The following MAPK14 variants were observed in gnomAD, a reference collection of about 807,000 sequenced individuals.
The protein encoded by MAPK14 is mitogen-activated protein kinase 14.
In MAPK14, 16 loss-of-function variants were observed where a neutral mutation model predicts 49.6. The observed-to-expected ratio is 0.32, with a 90% confidence interval of 0.22 to 0.49. MAPK14 has a LOEUF of 0.49. Among genes scored for constraint, MAPK14 ranks in the 20% least tolerant of loss-of-function variants. The pLI, the probability that MAPK14 is intolerant of heterozygous loss-of-function variation, is 0.99. For missense variants in MAPK14, 200 were observed against 441.2 expected, an observed-to-expected ratio of 0.45 and a Z score of 4.90; for synonymous variants, 142 against 158.0, an observed-to-expected ratio of 0.90 and a Z score of 0.76.
chr6:36,104,394 C>CT (rs1189807611), intron 10 of MAPK14, among the ~76,000 whole-genome samples: 7 of 151,984 alleles, frequency 4.6e-5, no homozygotes, highest in African/African-American at 1.7e-4. Flanking sequence ...TTCTTTCTTT[C>CT]CTTTTTTTTT....
intron 3 of MAPK14, 55 bp downstream of exon 3, chr6:36,059,402 C>T (rs1385402935): frequency 3.3e-6 from 4 of 1,210,954 alleles, no homozygotes; most frequent in Non-Finnish European, 4.9e-6. Flanking sequence ...GACTAATAGC[C>T]CATTTCTATT....
At chr6:36,072,827 T>G (rs1369174048) in intron 3 of MAPK14, 46 bp from the exon 4 acceptor site, 6 of 1,051,864 alleles carry the variant, frequency 5.7e-6, no homozygotes, top group Non-Finnish European at 2.9e-6. Context: ...GATAAGAACT[T>G]TCTTAGGGGT....
intron 3 of MAPK14, among the ~76,000 whole-genome samples, chr6:36,066,279 G>C (rs1323687862): frequency 1.3e-5 from 2 of 151,960 alleles, no homozygotes; most frequent in African/African-American, 4.8e-5. Context: ...ACATTTTTCT[G>C]ATCTAAGGCT....
At chr6:36,054,576 T>C (rs1763523370) in intron 2 of MAPK14, among the ~76,000 whole-genome samples, 1 of 152,220 alleles carries the variant, frequency 6.6e-6, no homozygotes, top group African/African-American at 2.4e-5. Flanking sequence ...TTAAACAAAA[T>C]AAGGCACATG....
At chr6:36,094,387 T>C (rs1175617487) in intron 8 of MAPK14, among the ~76,000 whole-genome samples, 3 of 152,206 alleles carry the variant, frequency 2.0e-5, no homozygotes, top group South Asian at 2.1e-4. Context: ...TGGAAACACC[T>C]ATAGACTGTA....
chr6:36,084,019 C>T (rs1403715670), intron 8 of MAPK14, among the ~76,000 whole-genome samples: 1 of 152,198 alleles, frequency 6.6e-6, no homozygotes, highest in East Asian at 1.9e-4. Flanking sequence ...TGCTGTTCTG[C>T]AGTCTCCACT....
intron 9 of MAPK14, among the ~76,000 whole-genome samples, chr6:36,099,631 A>G (rs1765564155): frequency 6.6e-6 from 1 of 152,164 alleles, no homozygotes; most frequent in Non-Finnish European, 1.5e-5. Flanking sequence ...TGTTTGTGGC[A>G]AGTATTTTAA....
chr6:36,113,369 GGTCTT>G (rs200351954), downstream of MAPK14, among the ~76,000 whole-genome samples: 3,169 of 130,876 alleles, frequency 0.024, 111 homozygotes, highest in African/African-American at 0.072. Flanking sequence ...AAAAAAAAAA[GGTCTT>G]AAGTGCACAA....
the MAPK14 span, among the ~76,000 whole-genome samples, chr6:36,122,109 A>G: frequency 6.6e-6 from 1 of 152,278 alleles, no homozygotes; most frequent in African/African-American, 2.4e-5. Context: ...AACCTCTGCC[A>G]TGGCAGGTAG....
chr6:36,044,033 T>C (rs1763075882), intron 1 of MAPK14, among the ~76,000 whole-genome samples: 1 of 151,906 alleles, frequency 6.6e-6, no homozygotes, highest in South Asian at 2.1e-4. Flanking sequence ...TGGTCGCGAA[T>C]ACCCAACCTC....
chr6:36,031,885 T>A (rs893769133), intron 1 of MAPK14, among the ~76,000 whole-genome samples: 1 of 152,312 alleles, frequency 6.6e-6, no homozygotes, highest in East Asian at 1.9e-4. Context: ...CATAATTTTT[T>A]GTGTGACTTC....
chr6:36,076,880 C>T, intron 8 of MAPK14: 1 of 284,984 alleles, frequency 3.5e-6, no homozygotes, highest in South Asian at 7.1e-5. Flanking sequence ...AATCATCCCA[C>T]AGCAGTTCTG....
intron 2 of MAPK14, among the ~76,000 whole-genome samples, chr6:36,055,220 A>G (rs1487585907): frequency 6.6e-6 from 1 of 152,218 alleles, no homozygotes; most frequent in Non-Finnish European, 1.5e-5. Flanking sequence ...GGCAGACACT[A>G]CAGAGATGGC....
At chr6:36,074,510 A>G (rs1335835897) in intron 6 of MAPK14, among the ~76,000 whole-genome samples, 1 of 152,180 alleles carries the variant, frequency 6.6e-6, no homozygotes, top group African/African-American at 2.4e-5. Flanking sequence ...CTTTTGTTCC[A>G]TTTCATTTTT....
chr6:36,074,146 GT>G, intron 6 of MAPK14, 50 bp downstream of exon 6: 1 of 1,456,050 alleles, frequency 6.9e-7, no homozygotes, highest in South Asian at 1.2e-5. Context: ...GAGATTATAT[GT>G]TTGACTAAGC....
intron 7 of MAPK14, 124 bp from the exon 8 acceptor site, chr6:36,076,413 T>C: frequency 1.4e-6 from 1 of 704,996 alleles, no homozygotes; most frequent in Non-Finnish European, 2.5e-6. Context: ...ATGAGTATGA[T>C]TGTTGAGCCT....
intron 8 of MAPK14, among the ~76,000 whole-genome samples, chr6:36,078,139 T>C (rs958870728): frequency 6.6e-6 from 1 of 152,250 alleles, no homozygotes; most frequent in African/African-American, 2.4e-5. Context: ...ATTTAGATCT[T>C]AGCTCTTTTA....
intron 3 of MAPK14, among the ~76,000 whole-genome samples, chr6:36,071,369 T>G (rs1351788343): frequency 6.6e-6 from 1 of 151,968 alleles, no homozygotes; most frequent in African/African-American, 2.4e-5. Context: ...TTAGAACCGA[T>G]CTACTTTCTA....
At chr6:36,047,249 G>A (rs1000515007) in intron 1 of MAPK14, among the ~76,000 whole-genome samples, 7 of 152,180 alleles carry the variant, frequency 4.6e-5, no homozygotes, top group African/African-American at 1.7e-4. Context: ...TCCTGAGCAG[G>A]TGACTATTTA....
Sources: allele counts gnomAD v4.1 joint callset (sites outside exome capture counted in the v4.1 genomes callset), GRCh38; gene constraint gnomAD v4.1.1; transcripts MANE v1.5; gene names NCBI Gene and HGNC (gene_info 2026-07-23, HGNC 2026-07-21).